MGAT4C: variants seen among roughly 807,000 people sequenced by gnomAD.
The protein encoded by MGAT4C is alpha-1,3-mannosyl-glycoprotein 4-beta-N-acetylglucosaminyltransferase C.
Under a neutral mutation model 40.1 loss-of-function variants are expected in MGAT4C, and 19 were observed. The observed-to-expected ratio is 0.47, with a 90% CI of 0.33 to 0.70. The LOEUF is 0.70. Among genes scored for constraint, MGAT4C ranks in the 30% least tolerant of loss-of-function variants. The probability of loss-of-function intolerance (pLI) is 0.02; values close to 1 mark genes in which losing one functional copy is unlikely to be tolerated. For synonymous variants in MGAT4C, 181 were observed against 187.1 expected, an observed-to-expected ratio of 0.97 and a Z score of 0.27; for missense variants, 491 against 563.2, an observed-to-expected ratio of 0.87 and a Z score of 1.30.
intron 1 of MGAT4C, among the ~76,000 whole-genome samples, chr12:86,070,575 A>T (rs1198026263): frequency 1.3e-5 from 2 of 152,048 alleles, no homozygotes; most frequent in East Asian, 3.9e-4. Context: ...TCCCTTGGTG[A>T]TCTGAAATTT....
chr12:86,059,892 C>T (rs1310408971), intron 1 of MGAT4C, among the ~76,000 whole-genome samples: 1 of 143,466 alleles, frequency 7.0e-6, no homozygotes, highest in African/African-American at 2.8e-5. Flanking sequence ...TACAAGTCAG[C>T]ACACTGAAAC....
intron 1 of MGAT4C, among the ~76,000 whole-genome samples, chr12:86,766,025 C>T (rs1227204024): frequency 5.3e-5 from 8 of 151,956 alleles, no homozygotes; most frequent in East Asian, 1.9e-4. Flanking sequence ...CAATATTAAC[C>T]TTAAATGTAA....
chr12:86,084,308 GA>G (rs1419627075), intron 1 of MGAT4C, among the ~76,000 whole-genome samples: 1 of 151,960 alleles, frequency 6.6e-6, no homozygotes. Flanking sequence ...AATGAAGTGT[GA>G]AATTAATTTT....
chr12:86,648,149 A>G (rs1963596545), intron 2 of MGAT4C, among the ~76,000 whole-genome samples: 1 of 151,922 alleles, frequency 6.6e-6, no homozygotes, highest in South Asian at 2.1e-4. Context: ...TTATTTATTC[A>G]ATTATTTGTA....
At chr12:86,675,542 A>G (rs182746885) in intron 2 of MGAT4C, among the ~76,000 whole-genome samples, 152 of 152,316 alleles carry the variant, frequency 1.0e-3, no homozygotes, top group African/African-American at 3.5e-3. Context: ...CAACTGTAAA[A>G]TGAGGTTGCT....
At chr12:86,023,606 G>A (rs934879572) in intron 2 of MGAT4C, among the ~76,000 whole-genome samples, 16 of 118,546 alleles carry the variant, frequency 1.3e-4, no homozygotes, top group Admixed American at 6.5e-4. Flanking sequence ...AAATACTTAC[G>A]TAATCATATG....
chr12:86,361,173 A>G (rs952773508), intron 3 of MGAT4C, among the ~76,000 whole-genome samples: 4 of 152,226 alleles, frequency 2.6e-5, no homozygotes, highest in African/African-American at 7.2e-5. Flanking sequence ...GCCATCAGAA[A>G]TAATACCACA....
chr12:86,582,536 A>G (rs925472683), intron 2 of MGAT4C, among the ~76,000 whole-genome samples: 2 of 151,414 alleles, frequency 1.3e-5, no homozygotes, highest in Non-Finnish European at 3.0e-5. Flanking sequence ...AGGGAACAGA[A>G]GTGTTACTGT....
chr12:86,592,522 A>G (rs1961371387), intron 2 of MGAT4C, among the ~76,000 whole-genome samples: 1 of 152,194 alleles, frequency 6.6e-6, no homozygotes, highest in South Asian at 2.1e-4. Flanking sequence ...TACATCTTCC[A>G]GAATCCACTT....
chr12:86,079,063 C>T (rs1468466882), intron 1 of MGAT4C, among the ~76,000 whole-genome samples: 1 of 152,058 alleles, frequency 6.6e-6, no homozygotes, highest in Non-Finnish European at 1.5e-5. Context: ...GTAGAAGAGG[C>T]TTACTAATAA....
rs1168771973 is a variant in MGAT4C, at chr12:85,970,346, C to T, written c.*8943G>A. The T allele has an allele frequency of 3.3e-5, 5 of 151,056 alleles. No individual in the cohort carries two copies. Among genetic ancestry groups the T allele is most frequent in the Admixed American group, 6.6e-5 (1 of 15,104 alleles). The allele number at this position is 151,056 out of a possible 1,614,324, so 9.4% of individuals were successfully genotyped here. On this transcript the variant is annotated 3_prime_UTR_variant, in exon 5 of 5. Transcript: ENST00000611864. ...ATGAATCAAATGGTAAATTTTGAAT[C>T]ATCTGGTAAAAATGGACAAAATTTA...
At chr12:86,241,413 T>C (rs1214220140) in intron 1 of MGAT4C, among the ~76,000 whole-genome samples, 2 of 152,204 alleles carry the variant, frequency 1.3e-5, no homozygotes, top group East Asian at 1.9e-4. Flanking sequence ...TGAATTCTAA[T>C]GTAAAAAAGG....
At chr12:86,060,583 T>G (rs1222053327) in intron 1 of MGAT4C, among the ~76,000 whole-genome samples, 1 of 152,140 alleles carries the variant, frequency 6.6e-6, no homozygotes, top group East Asian at 1.9e-4. Flanking sequence ...GAATTAAAAT[T>G]TTATGAACCC....
At chr12:86,151,319 A>AG (rs887467361) in intron 1 of MGAT4C, among the ~76,000 whole-genome samples, 1 of 151,584 alleles carries the variant, frequency 6.6e-6, no homozygotes, top group African/African-American at 2.4e-5. Context: ...GGAAAAAAAA[A>AG]ATGTTGACAC....
chr12:86,335,590 C>T (rs1158273145), intron 3 of MGAT4C, among the ~76,000 whole-genome samples: 2 of 152,062 alleles, frequency 1.3e-5, no homozygotes, highest in Non-Finnish European at 2.9e-5. Context: ...CCTTAAAAAT[C>T]ATCTCTAGAT....
intron 1 of MGAT4C, among the ~76,000 whole-genome samples, chr12:86,069,839 C>A (rs1419578970): frequency 6.6e-6 from 1 of 151,962 alleles, no homozygotes; most frequent in East Asian, 1.9e-4. Context: ...CCCTCCCCAC[C>A]CCCAATATAT....
chr12:86,361,367 T>C (rs1955464216), intron 3 of MGAT4C, among the ~76,000 whole-genome samples: 1 of 152,098 alleles, frequency 6.6e-6, no homozygotes. Context: ...ATGTTAGACC[T>C]AAAACCATAA....
intron 2 of MGAT4C, chr12:86,495,386 C>G (rs565229858): frequency 7.0e-4 from 107 of 152,104 alleles, no homozygotes; most frequent in African/African-American, 2.5e-3. Context: ...GGAATTATAC[C>G]TATCAGAAAT....
intron 2 of MGAT4C, among the ~76,000 whole-genome samples, chr12:86,048,234 T>C (rs886555688): frequency 1.3e-5 from 2 of 152,102 alleles, no homozygotes; most frequent in Non-Finnish European, 2.9e-5. Context: ...CTCCGTGTTT[T>C]CAGTTATAAG....
Sources: gnomAD v4.1 joint callset for allele counts (sites outside exome capture counted in the v4.1 genomes callset) on GRCh38, gnomAD v4.1.1 for gene constraint, MANE v1.5 for transcripts, NCBI Gene and HGNC (gene_info 2026-07-23, HGNC 2026-07-21) for gene names.